The following PRMT7 variants were observed in gnomAD, a reference collection of about 807,000 sequenced individuals.
PRMT7 encodes the protein protein arginine N-methyltransferase 7.
A neutral mutation model predicts 85.4 loss-of-function variants in PRMT7; 75 were observed. The observed-to-expected ratio is 0.88, with a 90% CI of 0.73 to 1.06. The LOEUF (loss-of-function observed/expected upper bound fraction) is 1.06. PRMT7 is among the 50% of genes least tolerant of loss of function. The pLI, the probability that PRMT7 is intolerant of heterozygous loss-of-function variation, is 0.00. For missense variants in PRMT7, 868 were observed against 915.2 expected (o/e 0.95, Z 0.67); for synonymous variants, 397 against 359.5 (o/e 1.10, Z -1.18).
At chr16:68,314,013 G>A (rs1371447876) in intron 2 of PRMT7, among the ~76,000 whole-genome samples, 1 of 152,188 alleles carries the variant, frequency 6.6e-6, no homozygotes, top group Non-Finnish European at 1.5e-5. Flanking sequence ...ATTGTTTTGT[G>A]GAACATTTAG....
At chr16:68,324,375 C>T (rs2082855574) in intron 4 of PRMT7, 4 of 372,674 alleles carry the variant, frequency 1.1e-5, no homozygotes, top group Non-Finnish European at 9.9e-6. Context: ...ACCTTCCAGT[C>T]GCCCTCTTGG....
chr16:68,354,838 C>A (rs1405266076), intron 16 of PRMT7: 1 of 152,550 alleles, frequency 6.6e-6, no homozygotes, highest in Non-Finnish European at 1.5e-5. Context: ...ATTTTTACTT[C>A]TATGCTTTCC....
At chr16:68,342,293 C>A (rs1190769004) in intron 9 of PRMT7, among the ~76,000 whole-genome samples, 1 of 152,070 alleles carries the variant, frequency 6.6e-6, no homozygotes, top group East Asian at 1.9e-4. Context: ...ATAATAAGAA[C>A]AAAAAATAAA....
At chr16:68,344,141 G>A (rs1215527004) in intron 9 of PRMT7, among the ~76,000 whole-genome samples, 1 of 152,148 alleles carries the variant, frequency 6.6e-6, no homozygotes, top group Non-Finnish European at 1.5e-5. Flanking sequence ...CTAATCTTGT[G>A]TTTTTTGTAG....
intron 6 of PRMT7, among the ~76,000 whole-genome samples, chr16:68,332,854 C>T (rs2084101355): frequency 6.6e-6 from 1 of 152,158 alleles, no homozygotes; most frequent in Non-Finnish European, 1.5e-5. Flanking sequence ...TGTTTCCCTT[C>T]TTAGGGAGCA....
rs756359319 is a variant in PRMT7 at position 68,355,802 on chromosome 16, C to A, written c.1730C>A (p.Pro577His). ...TACCCATGCCGCAGCCTCTCCGAGC[C>A]CTGGCAGATCCTGACCTTTGACTTC... ...WEYPCRSLSE[P>H]WQILTFDFQQ... Residue 577 changes from proline to histidine, a missense_variant, in exon 17 of 19, where the codon CCC (proline) becomes CAC (histidine). Transcript: ENST00000441236. 1 of 1,611,798 alleles carries A rather than the reference C, an allele frequency of 6.2e-7. No homozygotes were observed.
chr16:68,348,486 G>A (rs1012666597), intron 14 of PRMT7, 55 bp downstream of exon 14: 1 of 1,427,996 alleles, frequency 7.0e-7, no homozygotes, highest in Non-Finnish European at 9.8e-7. Context: ...GGTCAGCACG[G>A]CACTGAAGTA....
chr16:68,352,179 G>A (rs2087488072), intron 14 of PRMT7, 69 bp from the exon 15 acceptor site: 3 of 1,509,518 alleles, frequency 2.0e-6, no homozygotes, highest in African/African-American at 1.4e-5. Flanking sequence ...TGTTGCTTCC[G>A]TGTTCCTGTT....
chr16:68,339,203 G>A (rs2085155185), intron 7 of PRMT7, 119 bp from the exon 8 acceptor site: 1 of 1,268,570 alleles, frequency 7.9e-7, no homozygotes, highest in South Asian at 1.4e-5. Flanking sequence ...AATAGTATAA[G>A]GTGTTGGGCA....
At chr16:68,333,278 G>A (rs1042243938) in intron 6 of PRMT7, among the ~76,000 whole-genome samples, 8 of 152,086 alleles carry the variant, frequency 5.3e-5, no homozygotes, top group Admixed American at 3.9e-4. Context: ...GAGGTTGGGA[G>A]TAGCAACCAG....
rs139198595 is a variant in PRMT7, at chr16:68,326,307, G to A, written c.282+1475G>A. 1.9e-3 allele frequency among the ~76,000 whole-genome samples: 290 copies of A among 152,252 alleles called. 4 individuals are homozygous for A. Among genetic ancestry groups the A allele is most frequent in the Middle Eastern group, 6.8e-3 (2 of 294 alleles). ...AGTTTTTTGCTATCTTTTTCGTGGC[G>A]TGATCTCTATTCACCGCAACCTCCG... On this transcript the variant is annotated intron_variant, in intron 5 of 18. Transcript: ENST00000441236.
chr16:68,333,161 T>C (rs1221233259), intron 6 of PRMT7, among the ~76,000 whole-genome samples: 1 of 152,042 alleles, frequency 6.6e-6, no homozygotes, highest in Admixed American at 6.6e-5. Context: ...CCCAACTAAT[T>C]TTTTTGTTTT....
chr16:68,342,173 G>A (rs2085646740), intron 9 of PRMT7, among the ~76,000 whole-genome samples: 1 of 152,160 alleles, frequency 6.6e-6, no homozygotes, highest in African/African-American at 2.4e-5. Context: ...AGCTACTCGG[G>A]AGGCTGAGGC....
intron 9 of PRMT7, among the ~76,000 whole-genome samples, chr16:68,340,252 T>G (rs371475660): frequency 1.1e-3 from 161 of 152,148 alleles, no homozygotes; most frequent in African/African-American, 3.9e-3. Context: ...CCACCCCTCA[T>G]CCCCTGAGTA....
Position 68,345,704 on chromosome 16 carries a change from C to A in PRMT7, c.957C>A (p.Tyr319Ter). The A allele has an allele frequency of 6.2e-7, 1 of 1,613,500 alleles. No individual in the cohort carries two copies. Among genetic ancestry groups the A allele is most frequent in the Non-Finnish European group, 8.5e-7 (1 of 1,180,012 alleles). The change falls in exon 10 of 19, where the codon TAC (tyrosine) becomes TAA (stop). Residue 319 changes from tyrosine (Y) to a stop codon, truncating the protein, a stop_gained. Transcript: ENST00000441236. LOFTEE classifies it high-confidence loss of function. ...GGGACCACTGGATGCAGTGTGTGTACTTCCTGCCACAAGAGGAGCCTGTGG... is the reference window on the plus strand; with the variant it reads ...GGGACCACTGGATGCAGTGTGTGTAATTCCTGCCACAAGAGGAGCCTGTGG... ...QWRDHWMQCV[Y>*]FLPQEEPVVQ...
intron 3 of PRMT7, 60 bp downstream of exon 3, chr16:68,316,134 G>A (rs1278695723): frequency 1.4e-6 from 2 of 1,427,176 alleles, no homozygotes; most frequent in Middle Eastern, 2.0e-4. Context: ...CAAAGCAGAT[G>A]CCTTGGGCTC....
chr16:68,346,673 C>G (rs755137758), intron 11 of PRMT7, among the ~76,000 whole-genome samples: 12 of 152,082 alleles, frequency 7.9e-5, no homozygotes, highest in Non-Finnish European at 1.6e-4. Context: ...TCCCTGCTAC[C>G]TGTAGCAGGG....
At chr16:68,338,229 G>C (rs999333011) in intron 7 of PRMT7, among the ~76,000 whole-genome samples, 36 of 152,260 alleles carry the variant, frequency 2.4e-4, no homozygotes, top group African/African-American at 7.7e-4. Flanking sequence ...GGTACAGTGG[G>C]CCTCAGCTAA....
chr16:68,340,331 C>G (rs1229917286), intron 9 of PRMT7, among the ~76,000 whole-genome samples: 4 of 152,160 alleles, frequency 2.6e-5, no homozygotes, highest in Non-Finnish European at 5.9e-5. Flanking sequence ...TCAAAATCTC[C>G]TTTCTCCACC....
Sources: allele counts gnomAD v4.1 joint callset (sites outside exome capture counted in the v4.1 genomes callset), GRCh38; gene constraint gnomAD v4.1.1; transcripts MANE v1.5; gene names NCBI Gene and HGNC (gene_info 2026-07-23, HGNC 2026-07-21).